SETX: variants seen among roughly 807,000 people sequenced by gnomAD.
SETX encodes the protein senataxin.
A neutral mutation model predicts 227.2 loss-of-function variants in SETX; 90 were observed. That is an observed-to-expected ratio of 0.40 (90% confidence interval 0.33 to 0.47). The LOEUF (loss-of-function observed/expected upper bound fraction) is 0.47. Ranked by LOEUF, SETX falls within the 20% of genes least tolerant of loss-of-function variation. The pLI is 0.91. For synonymous variants in SETX, 1,210 were observed against 1,113.2 expected (o/e 1.09, Z -1.73); for missense variants, 3,052 against 3,181.5 (o/e 0.96, Z 0.98).
intron 5 of SETX, among the ~76,000 whole-genome samples, chr9:132,340,677 T>G (rs893202027): frequency 2.6e-5 from 4 of 152,244 alleles, no homozygotes; most frequent in African/African-American, 4.8e-5. Flanking sequence ...GGGATGATAA[T>G]GAAGCAATTA....
intron 2 of SETX, among the ~76,000 whole-genome samples, chr9:132,353,385 AAGT>A (rs1020775770): frequency 9.8e-5 from 15 of 152,298 alleles, no homozygotes; most frequent in African/African-American, 3.6e-4. Flanking sequence ...TTAAAAAAAA[AAGT>A]AGAAAAGATC....
Position 132,264,986 on chromosome 9 carries a change from CT to C in SETX, c.7288-2del. On this transcript the variant is annotated splice_acceptor_variant, in intron 25 of 25. Coordinates refer to ENST00000224140, the MANE Select transcript of SETX (RefSeq NM_015046.7). LOFTEE classifies it high-confidence loss of function. Reference sequence around the variant, plus strand: ...TCAGCTGATTCCAATGCTGGTTTTCCTTGAAACAATGAGAAGGGAGAAATAA... The same window carrying C: ...TCAGCTGATTCCAATGCTGGTTTTCCTGAAACAATGAGAAGGGAGAAATAA... 6.2e-7 allele frequency: 1 copy of C among 1,613,138 alleles called. No homozygotes were observed. The highest frequency in any genetic ancestry group is 8.5e-7 in the Non-Finnish European group (1 of 1,179,978).
intron 11 of SETX, among the ~76,000 whole-genome samples, chr9:132,302,617 G>A (rs1274794736): frequency 3.3e-5 from 4 of 122,338 alleles, no homozygotes; most frequent in Admixed American, 1.1e-4. Flanking sequence ...CCAAGATTGC[G>A]CCATTGCACT....
Position 132,346,457 on chromosome 9 carries a change from T to G in SETX, c.192A>C (p.Leu64Phe). The change falls in exon 4 of 26, where the codon TTA becomes TTC. Residue 64 changes from leucine to phenylalanine, a missense_variant. Transcript: ENST00000224140. ...LPFLHEVLWELETLRLINHFE... is the reference protein window; with the variant it reads ...LPFLHEVLWEFETLRLINHFE... ...AGTGATTTATGAGACGTAAGGTTTC[T>G]AATTCCCATAAAACCTAGAGGAAAA... The G allele has an allele frequency of 6.2e-7, 1 of 1,610,172 alleles. No individual in the cohort carries two copies. Among genetic ancestry groups the G allele is most frequent in the Non-Finnish European group, 8.5e-7 (1 of 1,177,346 alleles).
chr9:132,342,959 T>C (rs1332317423), intron 4 of SETX, among the ~76,000 whole-genome samples, 160 bp from the exon 5 acceptor site: 1 of 152,188 alleles, frequency 6.6e-6, no homozygotes, highest in Non-Finnish European at 1.5e-5. Flanking sequence ...AGGAACAATA[T>C]TTACCTGACA....
chr9:132,272,503 CAG>C (rs1034564008), intron 23 of SETX, among the ~76,000 whole-genome samples: 10 of 151,030 alleles, frequency 6.6e-5, no homozygotes, highest in Non-Finnish European at 1.0e-4. Flanking sequence ...GAGAGAGAGA[CAG>C]AGTCTCACTG....
intron 7 of SETX, among the ~76,000 whole-genome samples, chr9:132,331,963 T>A (rs1238178482): frequency 1.3e-5 from 2 of 152,322 alleles, no homozygotes; most frequent in South Asian, 2.1e-4. Context: ...ACGCATCTAG[T>A]GTAAATGACT....
At chr9:132,290,204 C>T (rs1471893215) in intron 15 of SETX, among the ~76,000 whole-genome samples, 1 of 151,826 alleles carries the variant, frequency 6.6e-6, no homozygotes, top group Non-Finnish European at 1.5e-5. Context: ...AGCAAGACTC[C>T]GTCTCAAAAA....
Position 132,326,432 on chromosome 9 carries a change from AG to A in SETX, c.5165del (p.Pro1722LeufsTer29). On this transcript the variant is annotated frameshift_variant, in exon 10 of 26. Transcript: ENST00000224140. LOFTEE classifies it high-confidence loss of function. The part of the protein sequence containing the change: ...MFLNFGQCGP[P>X]ASLCQSISRP... ...TTGAGATGGACTGACAAAGACTTGCAGGGGGCCCACACTGACCAAAGTTCAA... is the reference window on the plus strand; with the variant it reads ...TTGAGATGGACTGACAAAGACTTGCAGGGGCCCACACTGACCAAAGTTCAA... 1 of 1,614,130 alleles carries A rather than the reference AG, an allele frequency of 6.2e-7. No individual in the cohort carries two copies. Among genetic ancestry groups the A allele is most frequent in the Non-Finnish European group, 8.5e-7 (1 of 1,179,952 alleles).
chr9:132,321,151 C>T (rs1022774677), intron 10 of SETX, among the ~76,000 whole-genome samples: 4 of 152,220 alleles, frequency 2.6e-5, no homozygotes, highest in Non-Finnish European at 5.9e-5. Context: ...CTCCCTGCCA[C>T]GCCTACATTT....
intron 12 of SETX, 76 bp downstream of exon 12, chr9:132,300,554 T>TG: frequency 6.9e-7 from 1 of 1,447,920 alleles, no homozygotes; most frequent in Non-Finnish European, 9.7e-7. Context: ...ATACACTTGA[T>TG]ATACACAATT....
At chr9:132,269,234 A>T (rs1288894992) in intron 25 of SETX, among the ~76,000 whole-genome samples, 1 of 152,254 alleles carries the variant, frequency 6.6e-6, no homozygotes, top group Non-Finnish European at 1.5e-5. Context: ...AGCAGAGCAG[A>T]GCACGCGCCT....
rs759299299 is a variant in SETX, at chr9:132,278,218, G to A, written c.6694C>T (p.Arg2232Cys). ...TTCTCTTCCAGCAGTCTGCAGAAGC[G>A]AGCCATCATTGACTGGTCGTAGCCA... ...EYGYDQSMMA[R>C]FCRLLEENVE... Residue 2232 changes from arginine to cysteine, a missense_variant, in exon 21 of 26, where the codon CGC (arginine) becomes TGC (cysteine). Physicochemically the swap from Arg to Cys is radical, Grantham distance 180. This residue lies in a region of SETX where 412 missense variants were observed against 589.0 expected (regional missense o/e 0.70). Transcript: ENST00000224140. 3 of 1,614,116 alleles carry A rather than the reference G, an allele frequency of 1.9e-6. No homozygotes were observed. Among genetic ancestry groups the A allele is most frequent in the Non-Finnish European group, 2.5e-6 (3 of 1,180,008 alleles).
intron 4 of SETX, among the ~76,000 whole-genome samples, chr9:132,345,359 C>T (rs959519622): frequency 7.9e-5 from 12 of 152,184 alleles, no homozygotes; most frequent in African/African-American, 2.7e-4. Flanking sequence ...CTGCAACCTC[C>T]GCCTTCCAGG....
At chr9:132,288,465 G>A (rs1844064051) in intron 16 of SETX, 85 bp downstream of exon 16, 4 of 1,409,758 alleles carry the variant, frequency 2.8e-6, no homozygotes, top group Non-Finnish European at 4.0e-6. Context: ...TAATTCTGGA[G>A]GCTTCAAATT....
chr9:132,298,795 G>A (rs1003337963), intron 12 of SETX, among the ~76,000 whole-genome samples: 9 of 152,234 alleles, frequency 5.9e-5, no homozygotes, highest in African/African-American at 2.2e-4. Flanking sequence ...ATAGGGAGAA[G>A]AACGCTTAGC....
intron 2 of SETX, among the ~76,000 whole-genome samples, chr9:132,352,038 AATAACAATCTCTTTCTTCTACACTTCTC>A (rs1421902368): frequency 6.6e-6 from 1 of 152,208 alleles, no homozygotes; most frequent in Non-Finnish European, 1.5e-5. Flanking sequence ...AGAAACTTCA[AATAACAATCTCTTTCTTCTACACTTCTC>A]AGCTAAACAT....
intron 10 of SETX, among the ~76,000 whole-genome samples, chr9:132,325,814 C>G (rs1300575735): frequency 6.6e-6 from 1 of 151,586 alleles, no homozygotes; most frequent in Admixed American, 6.6e-5. Context: ...GGCCTGTAAT[C>G]TCAGCTACTT....
chr9:132,264,800 G>A lies in SETX; in HGVS notation c.7473C>T (p.Pro2491=), dbSNP rs1173009713. 4.3e-6 allele frequency: 7 copies of A among 1,614,054 alleles called. No homozygotes were observed. Among genetic ancestry groups the A allele is most frequent in the South Asian group, 1.1e-5 (1 of 91,088 alleles). The change falls in exon 26 of 26, where the codon CCC becomes CCT. Residue 2491 remains proline, a synonymous_variant. Coordinates refer to ENST00000224140, the MANE Select transcript of SETX (RefSeq NM_015046.7). Reference sequence around the variant, plus strand: ...CAAATCCACTGTCTAGCTTGCTGCTGGGCAAACCACCCTGGGGTCTGGACC... The same window carrying A: ...CAAATCCACTGTCTAGCTTGCTGCTAGGCAAACCACCCTGGGGTCTGGACC... ...PEGSRPQGGL[P]SSKLDSGFAK...
Sources: gnomAD v4.1 joint callset for allele counts (sites outside exome capture counted in the v4.1 genomes callset) on GRCh38, gnomAD v4.1.1 for gene constraint, gnomAD v4.1.1 regional missense constraint, MANE v1.5 for transcripts, NCBI Gene and HGNC (gene_info 2026-07-23, HGNC 2026-07-21) for gene names.